CNTNAP3: variants seen among roughly 807,000 people sequenced by gnomAD.
The protein encoded by CNTNAP3 is contactin-associated protein-like 3.
In CNTNAP3, 36 loss-of-function variants were observed where a neutral mutation model predicts 92.1. The ratio of observed to expected loss-of-function variants is 0.39; its 90% CI spans 0.30 to 0.52. The LOEUF (loss-of-function observed/expected upper bound fraction) is 0.52. CNTNAP3 is among the 20% of genes least tolerant of loss of function. The pLI is 0.76. For synonymous variants in CNTNAP3, 232 were observed against 422.3 expected, an observed-to-expected ratio of 0.55 and a Z score of 5.53; for missense variants, 534 against 1,069.6, an observed-to-expected ratio of 0.50 and a Z score of 6.98.
chr9:39,110,458 C>T (rs1320279818), intron 14 of CNTNAP3, among the ~76,000 whole-genome samples: 1 of 152,150 alleles, frequency 6.6e-6, no homozygotes, highest in African/African-American at 2.4e-5. Context: ...GTCAAACAGA[C>T]ATTGTCCTGG....
intron 10 of CNTNAP3, among the ~76,000 whole-genome samples, chr9:39,146,147 G>A (rs758343666): frequency 3.3e-5 from 5 of 152,030 alleles, no homozygotes; most frequent in East Asian, 3.9e-4. Context: ...AAATTTACAC[G>A]TAGTACAAAT....
intron 18 of CNTNAP3, among the ~76,000 whole-genome samples, chr9:39,091,173 T>TC (rs969276127): frequency 9.4e-5 from 14 of 148,332 alleles, no homozygotes; most frequent in South Asian, 6.3e-4. Context: ...TTCTTCTTCT[T>TC]TTTTTTTTTT....
intron 14 of CNTNAP3, among the ~76,000 whole-genome samples, chr9:39,114,033 T>A (rs1345181856): frequency 1.4e-5 from 2 of 143,416 alleles, no homozygotes; most frequent in East Asian, 3.9e-4. Flanking sequence ...TACACACATA[T>A]ATACACACAC....
At chr9:39,092,983 C>A (rs1423718107) in intron 18 of CNTNAP3, among the ~76,000 whole-genome samples, 2 of 143,994 alleles carry the variant, frequency 1.4e-5, no homozygotes, top group Admixed American at 1.4e-4. Flanking sequence ...CTAGTAGCAC[C>A]TTTTGTTTTA....
intron 14 of CNTNAP3, among the ~76,000 whole-genome samples, chr9:39,113,159 G>C (rs1188114554): frequency 6.6e-6 from 1 of 151,952 alleles, no homozygotes; most frequent in Non-Finnish European, 1.5e-5. Flanking sequence ...CTTCCTCTCT[G>C]TGTGATGACA....
In CNTNAP3 at chr9:39,064,743, A is replaced by T. The variant is rs1825474868; in HGVS notation, c.*9147T>A. On this transcript the variant is annotated 3_prime_UTR_variant, in exon 24 of 24. Transcript: ENST00000297668. Reference sequence around the variant, plus strand: ...TTAACATTTATTACATACATAGAACATATAAGAATTTATAGAGCAATGAAA... The same window carrying T: ...TTAACATTTATTACATACATAGAACTTATAAGAATTTATAGAGCAATGAAA... 6.6e-6 allele frequency among the ~76,000 whole-genome samples: 1 copy of T among 152,304 alleles called. No homozygotes were observed. Among genetic ancestry groups the T allele is most frequent in the Non-Finnish European group, 1.5e-5 (1 of 68,052 alleles).
rs201621606 is a variant in CNTNAP3 at position 39,084,194 on chromosome 9, GTTTT to G, written c.3442+1538_3442+1541del. On this transcript the variant is annotated intron_variant, in intron 21 of 23. Transcript: ENST00000297668. The stretch of plus-strand genomic sequence containing the variant: ...ACTGTTCATAGCAGATGCTCACCAA[GTTTT>G]TTTTTTTTTTTTTTTTTTGAGACAG... Among the ~76,000 whole-genome samples, 124 of 116,894 alleles carry G rather than the reference GTTTT, an allele frequency of 1.1e-3. 2 individuals are homozygous for G. Among genetic ancestry groups the G allele is most frequent in the African/African-American group, 3.6e-3 (114 of 31,306 alleles). The allele number at this position is 116,894 out of a possible 152,430, so 76.7% of individuals were successfully genotyped here.
chr9:39,112,653 C>T (rs1157017612), intron 14 of CNTNAP3, among the ~76,000 whole-genome samples: 2 of 152,072 alleles, frequency 1.3e-5, no homozygotes, highest in South Asian at 4.1e-4. Flanking sequence ...TGTGAGCCAC[C>T]GCGCCCAGCC....
At chr9:39,127,314 T>C (rs1821174232) in intron 13 of CNTNAP3, among the ~76,000 whole-genome samples, 1 of 151,996 alleles carries the variant, frequency 6.6e-6, no homozygotes. Context: ...TAGCACTAAA[T>C]GCCTACATTA....
intron 9 of CNTNAP3, among the ~76,000 whole-genome samples, chr9:39,151,850 G>A (rs1158064070): frequency 6.7e-6 from 1 of 148,364 alleles, no homozygotes; most frequent in East Asian, 2.0e-4. Context: ...TTTCAAACTT[G>A]TGAGATATAA....
intron 13 of CNTNAP3, among the ~76,000 whole-genome samples, chr9:39,131,904 G>A (rs1374824150): frequency 4.6e-5 from 7 of 150,762 alleles, no homozygotes; most frequent in Non-Finnish European, 1.0e-4. Flanking sequence ...ATGGGTTAGC[G>A]GATCAGCGCA....
chr9:39,089,423 A>T (rs1171855787), intron 18 of CNTNAP3, among the ~76,000 whole-genome samples: 1 of 152,180 alleles, frequency 6.6e-6, no homozygotes, highest in African/African-American at 2.4e-5. Flanking sequence ...ATTGGATGTA[A>T]ATAGTAATGG....
chr9:39,089,153 G>A (rs1179992823), intron 18 of CNTNAP3, among the ~76,000 whole-genome samples: 3 of 152,070 alleles, frequency 2.0e-5, no homozygotes, highest in Non-Finnish European at 4.4e-5. Context: ...CCTCCCCCGA[G>A]CACCTTCTTA....
chr9:39,139,449 C>A lies in CNTNAP3; in HGVS notation c.1876+1070G>T, dbSNP rs1170920726. On this transcript the variant is annotated intron_variant, in intron 12 of 23. Transcript: ENST00000297668. ...AGGTGGCTCTGAATCTTCTGAACGT[C>A]CCCTGTAAAGTTTTACTACTTTTTG... Among the ~76,000 whole-genome samples the A allele has an allele frequency of 2.0e-5, 3 of 152,228 alleles. No individual in the cohort carries two copies. In the East Asian group the frequency reaches 5.8e-4, roughly 29 times the overall value.
intron 13 of CNTNAP3, among the ~76,000 whole-genome samples, 189 bp from the exon 14 acceptor site, chr9:39,118,448 C>G (rs552236248): frequency 6.6e-6 from 1 of 152,042 alleles, no homozygotes; most frequent in Non-Finnish European, 1.5e-5. Context: ...GTTTTTCCCC[C>G]AATATTTCAA....
At chr9:39,096,875 C>T (rs934318945) in intron 18 of CNTNAP3, among the ~76,000 whole-genome samples, 9 of 147,808 alleles carry the variant, frequency 6.1e-5, no homozygotes, top group African/African-American at 2.2e-4. Flanking sequence ...TTTGTGTCAT[C>T]TGTATTTCAC....
At chr9:39,113,530 G>T (rs1225723598) in intron 14 of CNTNAP3, among the ~76,000 whole-genome samples, 1 of 150,988 alleles carries the variant, frequency 6.6e-6, no homozygotes, top group African/African-American at 2.4e-5. Context: ...ATATTATTTT[G>T]GATTTTCTAT....
At chr9:39,205,036 T>A (rs1822560894) in intron 3 of CNTNAP3, among the ~76,000 whole-genome samples, 1 of 73,288 alleles carries the variant, frequency 1.4e-5, no homozygotes, top group Non-Finnish European at 2.2e-5. Flanking sequence ...TCCCACATAC[T>A]TCCTTAAGCC....
chr9:39,117,876 G>A (rs1820896830), intron 14 of CNTNAP3: 10 of 986,416 alleles, frequency 1.0e-5, no homozygotes, highest in East Asian at 3.2e-5. Context: ...TCTCTTTTAC[G>A]AAAAATAAAA....
Sources: gnomAD v4.1 joint callset for allele counts (sites outside exome capture counted in the v4.1 genomes callset) on GRCh38, gnomAD v4.1.1 for gene constraint, MANE v1.5 for transcripts, NCBI Gene and HGNC (gene_info 2026-07-23, HGNC 2026-07-21) for gene names.